ATRNL1: variants seen among roughly 807,000 people sequenced by gnomAD.
ATRNL1 encodes attractin like 1, also known as attractin-like protein 1.
ATRNL1 carries 95 observed loss-of-function variants against 182.7 expected under a neutral mutation model. That is an observed-to-expected ratio of 0.52 (90% CI 0.44 to 0.62). The LOEUF is 0.62. Among genes scored for constraint, ATRNL1 ranks in the 20% least tolerant of loss-of-function variants. The probability of loss-of-function intolerance (pLI) is 0.00; values close to 1 mark genes in which losing one functional copy is unlikely to be tolerated. For synonymous variants in ATRNL1, 576 were observed against 568.3 expected, an observed-to-expected ratio of 1.01 and a Z score of -0.19; for missense variants, 1,471 against 1,679.5, an observed-to-expected ratio of 0.88 and a Z score of 2.17.
intron 26 of ATRNL1, among the ~76,000 whole-genome samples, chr10:115,569,297 T>G (rs1475477954): frequency 6.6e-6 from 1 of 152,162 alleles, no homozygotes; most frequent in African/African-American, 2.4e-5. Context: ...ACTCTTGATG[T>G]TTTTCTTTTT....
chr10:115,391,222 A>G (rs1198835536), intron 19 of ATRNL1, among the ~76,000 whole-genome samples: 1 of 152,164 alleles, frequency 6.6e-6, no homozygotes, highest in African/African-American at 2.4e-5. Flanking sequence ...GTAAAGGTGG[A>G]CATCCTTGTC....
At chr10:115,779,126 A>G (rs1158443808) in intron 27 of ATRNL1, among the ~76,000 whole-genome samples, 2 of 152,192 alleles carry the variant, frequency 1.3e-5, no homozygotes, top group African/African-American at 4.8e-5. Context: ...AGGCCATTGC[A>G]TGGAAGCAGA....
intron 14 of ATRNL1, among the ~76,000 whole-genome samples, chr10:115,282,893 C>T (rs1852435390): frequency 6.6e-6 from 1 of 151,666 alleles, no homozygotes; most frequent in Non-Finnish European, 1.5e-5. Context: ...TAGGTATACA[C>T]ATGCCATGGT....
chr10:115,669,731 G>A (rs1945636803), intron 26 of ATRNL1, among the ~76,000 whole-genome samples: 1 of 152,020 alleles, frequency 6.6e-6, no homozygotes, highest in Non-Finnish European at 1.5e-5. Flanking sequence ...GGTAAAAATT[G>A]ATATTCTAGT....
At chr10:115,871,649 A>G (rs1406974163) in intron 28 of ATRNL1, among the ~76,000 whole-genome samples, 1 of 152,032 alleles carries the variant, frequency 6.6e-6, no homozygotes, top group Non-Finnish European at 1.5e-5. Flanking sequence ...GACCATGGAC[A>G]TGAGGGTCTA....
chr10:115,854,882 G>A (rs1951144269), intron 28 of ATRNL1, among the ~76,000 whole-genome samples: 2 of 152,064 alleles, frequency 1.3e-5, no homozygotes, highest in East Asian at 3.9e-4. Flanking sequence ...TCTGGGAGTG[G>A]TTGCTTCTCA....
intron 19 of ATRNL1, among the ~76,000 whole-genome samples, chr10:115,390,709 CA>C (rs1287136974): frequency 4.6e-5 from 7 of 152,070 alleles, no homozygotes; most frequent in Admixed American, 1.3e-4. Context: ...GGCATTTTGT[CA>C]GAAATTGCAT....
At chr10:115,633,938 C>G (rs1858692132) in intron 26 of ATRNL1, among the ~76,000 whole-genome samples, 1 of 151,990 alleles carries the variant, frequency 6.6e-6, no homozygotes, top group Non-Finnish European at 1.5e-5. Context: ...AATAAATTTA[C>G]CTTTATTATC....
intron 8 of ATRNL1, among the ~76,000 whole-genome samples, chr10:115,195,430 G>A (rs1401438264): frequency 6.6e-6 from 1 of 151,936 alleles, no homozygotes; most frequent in Non-Finnish European, 1.5e-5. Flanking sequence ...ATGTCATCTC[G>A]CTCTCCTGGA....
intron 26 of ATRNL1, among the ~76,000 whole-genome samples, chr10:115,625,406 T>C (rs1235267670): frequency 1.3e-5 from 2 of 152,206 alleles, no homozygotes; most frequent in Non-Finnish European, 2.9e-5. Flanking sequence ...ATTTCCACAC[T>C]CATAATTTAA....
intron 1 of ATRNL1, among the ~76,000 whole-genome samples, chr10:115,107,711 C>T (rs1844077110): frequency 1.3e-5 from 2 of 152,228 alleles, no homozygotes; most frequent in East Asian, 3.8e-4. Flanking sequence ...GCCGCATCTC[C>T]ACAACTTGTG....
chr10:115,756,643 T>C (rs959082845), intron 27 of ATRNL1, among the ~76,000 whole-genome samples: 8 of 152,170 alleles, frequency 5.3e-5, no homozygotes, highest in African/African-American at 1.9e-4. Context: ...ATTCTGTTGA[T>C]TTGAGATGGA....
intron 1 of ATRNL1, among the ~76,000 whole-genome samples, chr10:115,105,896 T>C (rs552074523): frequency 1.0e-3 from 157 of 152,236 alleles, no homozygotes; most frequent in African/African-American, 3.5e-3. Flanking sequence ...TGTATGTCAG[T>C]GTGGAAGGGA....
Position 115,508,831 on chromosome 10 carries a change from A to G in ATRNL1, c.3655-10432A>G, listed in dbSNP as rs181056907. Among the ~76,000 whole-genome samples the G allele has an allele frequency of 1.9e-3, 287 of 152,180 alleles. 1 individual carries two copies. The highest frequency in any genetic ancestry group is 6.5e-3 in the African/African-American group (269 of 41,562). On this transcript the variant is annotated intron_variant, in intron 24 of 28. Transcript: ENST00000355044. ...GAAGCAGTAAGTGCTGATATAGAAG[A>G]TACATGTCTAACTTAATTGATGCAG...
Position 115,301,932 on chromosome 10 carries a change from G to A in ATRNL1, c.2707G>A (p.Gly903Ser). 1 of 1,614,056 alleles carries A rather than the reference G, an allele frequency of 6.2e-7. No individual in the cohort carries two copies. The highest frequency in any genetic ancestry group is 8.5e-7 in the Non-Finnish European group (1 of 1,179,944). The change falls in exon 17 of 29, where the codon GGC becomes AGC. Residue 903 changes from glycine (G) to serine (S), a missense_variant. This residue lies in a region of ATRNL1 where 1,031 missense variants were observed against 1,156.0 expected (regional missense o/e 0.89). Coordinates refer to ENST00000355044, the MANE Select transcript of ATRNL1 (RefSeq NM_207303.4). ...RTSCSNCTSN[G>S]MECMWCSSTK... ...ATCATGTTCCAACTGTACAAGCAAT[G>A]GCATGGAGTGTATGTGGTGCAGCAG...
intron 28 of ATRNL1, among the ~76,000 whole-genome samples, chr10:115,878,693 C>A (rs1359431114): frequency 1.3e-5 from 2 of 152,062 alleles, no homozygotes; most frequent in Admixed American, 6.5e-5. Flanking sequence ...TGTATTGGAG[C>A]CTTACAGTTT....
At chr10:115,250,471 C>T (rs1554905155) in intron 10 of ATRNL1, among the ~76,000 whole-genome samples, 2 of 152,160 alleles carry the variant, frequency 1.3e-5, no homozygotes, top group African/African-American at 4.8e-5. Context: ...GTCATATGTG[C>T]CTAGCTGCAG....
intron 8 of ATRNL1, among the ~76,000 whole-genome samples, chr10:115,201,367 T>C (rs564315147): frequency 2.1e-4 from 32 of 152,322 alleles, no homozygotes; most frequent in Non-Finnish European, 3.2e-4. Context: ...GTTTTAGGTC[T>C]AACATTTAAG....
intron 26 of ATRNL1, among the ~76,000 whole-genome samples, chr10:115,583,770 A>C (rs1241776524): frequency 1.3e-5 from 2 of 150,742 alleles, no homozygotes; most frequent in Non-Finnish European, 3.0e-5. Context: ...TGCCCTGGCC[A>C]GAACTTCCAA....
Sources: gnomAD v4.1 joint callset for allele counts (sites outside exome capture counted in the v4.1 genomes callset) on GRCh38, gnomAD v4.1.1 for gene constraint, gnomAD v4.1.1 regional missense constraint, MANE v1.5 for transcripts, NCBI Gene and HGNC (gene_info 2026-07-23, HGNC 2026-07-21) for gene names.